The following EHBP1 variants were observed in gnomAD, a reference collection of about 807,000 sequenced individuals.
EHBP1 encodes EH domain binding protein 1.
In EHBP1, 55 loss-of-function variants were observed where a neutral mutation model predicts 144.0. The observed-to-expected ratio is 0.38, with a 90% CI of 0.31 to 0.48. The LOEUF (loss-of-function observed/expected upper bound fraction) is 0.48. Among genes scored for constraint, EHBP1 ranks in the 20% least tolerant of loss-of-function variants. EHBP1 has a pLI of 0.98. For missense variants in EHBP1, 1,200 were observed against 1,364.2 expected (o/e 0.88, Z 1.90); for synonymous variants, 469 against 472.7 (o/e 0.99, Z 0.10).
At chr2:62,924,622 C>T (rs2055348213) in intron 10 of EHBP1, among the ~76,000 whole-genome samples, 7 of 152,038 alleles carry the variant, frequency 4.6e-5, no homozygotes, top group Admixed American at 3.9e-4. Flanking sequence ...TGGATAAATT[C>T]CTGGACACAT....
chr2:62,949,904 T>G (rs750484846), intron 13 of EHBP1, among the ~76,000 whole-genome samples: 29 of 152,166 alleles, frequency 1.9e-4, no homozygotes, highest in Non-Finnish European at 4.0e-4. Context: ...AACAACATTG[T>G]CAATAAAGTT....
chr2:62,938,210 A>G (rs776462994), intron 10 of EHBP1, among the ~76,000 whole-genome samples: 3 of 152,378 alleles, frequency 2.0e-5, no homozygotes, highest in Admixed American at 6.5e-5. Context: ...TGTATGATAG[A>G]AAGGACAGCC....
chr2:62,855,513 A>C (rs1310944693), intron 7 of EHBP1, among the ~76,000 whole-genome samples: 1 of 152,178 alleles, frequency 6.6e-6, no homozygotes, highest in East Asian at 1.9e-4. Context: ...GGAGGGCCTG[A>C]AGGCTGGGGG....
At chr2:62,987,057 G>A (rs942342431) in intron 15 of EHBP1, among the ~76,000 whole-genome samples, 1 of 152,092 alleles carries the variant, frequency 6.6e-6, no homozygotes, top group Admixed American at 6.6e-5. Context: ...TTCTTCAAAA[G>A]GTACATTGCC....
rs554769725 is a variant in EHBP1 at position 62,822,332 on chromosome 2, A to G, written c.313-3755A>G. Among the ~76,000 whole-genome samples, 4 of 152,328 alleles carry G rather than the reference A, an allele frequency of 2.6e-5. No homozygotes were observed. The East Asian group carries it at 7.7e-4, about 29-fold the overall frequency. ...TTTGGCTTGAACCTAGTGGGGGTCC[A>G]TGCATAAATTTTAATTATGTAACTA... On this transcript the variant is annotated intron_variant, in intron 5 of 22. Transcript: ENST00000431489.
At chr2:62,964,603 T>C (rs572144105) in intron 14 of EHBP1, among the ~76,000 whole-genome samples, 21 of 152,364 alleles carry the variant, frequency 1.4e-4, no homozygotes, top group African/African-American at 4.8e-4. Flanking sequence ...GGTGGCACTG[T>C]GAAGCTACTA....
intron 14 of EHBP1, among the ~76,000 whole-genome samples, chr2:62,962,774 T>G (rs2058061362): frequency 6.6e-6 from 1 of 152,258 alleles, no homozygotes; most frequent in South Asian, 2.1e-4. Flanking sequence ...GTTTTTGTTT[T>G]GTTTAAGCAG....
At chr2:62,996,097 C>A (rs898852589) in intron 18 of EHBP1, among the ~76,000 whole-genome samples, 36 of 151,928 alleles carry the variant, frequency 2.4e-4, no homozygotes, top group Admixed American at 2.4e-3. Flanking sequence ...TTGTGAACTT[C>A]CCTTTTTATC....
intron 10 of EHBP1, among the ~76,000 whole-genome samples, chr2:62,903,454 G>A (rs2152953365): frequency 6.6e-6 from 1 of 152,226 alleles, no homozygotes; most frequent in African/African-American, 2.4e-5. Context: ...TTGGAATAAA[G>A]AAGAAAAACC....
chr2:62,809,596 C>A (rs927693125), intron 5 of EHBP1, among the ~76,000 whole-genome samples: 4 of 152,028 alleles, frequency 2.6e-5, no homozygotes, highest in Non-Finnish European at 4.4e-5. Context: ...GGTATGGATC[C>A]TGTCACCCAG....
chr2:62,816,207 T>C (rs2045437475), intron 5 of EHBP1, among the ~76,000 whole-genome samples: 1 of 152,198 alleles, frequency 6.6e-6, no homozygotes, highest in Non-Finnish European at 1.5e-5. Flanking sequence ...ACTAGAGCTG[T>C]CTGTCAAACC....
chr2:62,788,249 T>G (rs1490843218), intron 5 of EHBP1, among the ~76,000 whole-genome samples: 1 of 152,192 alleles, frequency 6.6e-6, no homozygotes, highest in African/African-American at 2.4e-5. Context: ...GTCTTTCCTA[T>G]TCCAATATAA....
At chr2:63,009,284 C>T (rs893953936) in intron 19 of EHBP1, among the ~76,000 whole-genome samples, 3 of 151,628 alleles carry the variant, frequency 2.0e-5, no homozygotes, top group Admixed American at 1.3e-4. Flanking sequence ...AGTGGAATGT[C>T]TGATCATTTT....
intron 5 of EHBP1, among the ~76,000 whole-genome samples, chr2:62,807,833 A>G (rs1455621615): frequency 6.6e-6 from 1 of 151,768 alleles, no homozygotes; most frequent in Non-Finnish European, 1.5e-5. Flanking sequence ...AAAATATTTC[A>G]CTCCACACTT....
At chr2:62,972,670 C>T (rs755585144) in intron 14 of EHBP1, among the ~76,000 whole-genome samples, 1 of 152,098 alleles carries the variant, frequency 6.6e-6, no homozygotes, top group Non-Finnish European at 1.5e-5. Flanking sequence ...TGCCATCCCA[C>T]TGGAGAGCTT....
At chr2:62,759,102 T>G (rs1389054908) in intron 3 of EHBP1, among the ~76,000 whole-genome samples, 2 of 152,142 alleles carry the variant, frequency 1.3e-5, no homozygotes, top group Non-Finnish European at 2.9e-5. Context: ...CACCCAAAAT[T>G]GAGAAGTGTT....
At chr2:62,782,507 T>C (rs2042507924) in intron 5 of EHBP1, among the ~76,000 whole-genome samples, 1 of 152,108 alleles carries the variant, frequency 6.6e-6, no homozygotes, top group African/African-American at 2.4e-5. Context: ...TAATTTATAA[T>C]ATAAAGAAAA....
chr2:62,874,796 T>C (rs1458708384), intron 10 of EHBP1, among the ~76,000 whole-genome samples: 6 of 152,132 alleles, frequency 3.9e-5, no homozygotes, highest in South Asian at 2.1e-4. Flanking sequence ...AATTGTAAGA[T>C]TGGTGCTTTA....
chr2:63,045,520 C>T lies in EHBP1; in HGVS notation c.*20C>T. 1.3e-6 allele frequency: 2 copies of T among 1,585,554 alleles called. No homozygotes were observed. The highest frequency in any genetic ancestry group is 1.7e-6 in the Non-Finnish European group (2 of 1,156,882). On this transcript the variant is annotated 3_prime_UTR_variant, in exon 23 of 23. Coordinates refer to ENST00000431489, the MANE Select transcript of EHBP1 (RefSeq NM_001142616.3). This position sits in a 1 kb window ranked among gnomAD's most constrained non-coding sequence, Gnocchi z 5.7. ...CAGTAGCCATCAGATCAGAAAGAAT[C>T]TCTCCCAACATTTTAGAGTCTTGCT...
Sources: allele counts gnomAD v4.1 joint callset (sites outside exome capture counted in the v4.1 genomes callset), GRCh38; gene constraint gnomAD v4.1.1; non-coding constraint Gnocchi (gnomAD v3.1); transcripts MANE v1.5; gene names NCBI Gene and HGNC (gene_info 2026-07-23, HGNC 2026-07-21).